DNAH2: variants seen among roughly 807,000 people sequenced by gnomAD.
The protein encoded by DNAH2 is axonemal beta dynein heavy chain 2.
Under a neutral mutation model 523.5 loss-of-function variants are expected in DNAH2, and 323 were observed. That is an observed-to-expected ratio of 0.62 (90% CI 0.56 to 0.68). The LOEUF is 0.68. Among genes scored for constraint, DNAH2 ranks in the 30% least tolerant of loss-of-function variants. The probability of loss-of-function intolerance (pLI) is 0.00; values close to 1 mark genes in which losing one functional copy is unlikely to be tolerated. For synonymous variants in DNAH2, 2,093 were observed against 2,177.4 expected (o/e 0.96, Z 1.08); for missense variants, 4,907 against 5,701.5 (o/e 0.86, Z 4.49).
intron 63 of DNAH2, among the ~76,000 whole-genome samples, chr17:7,815,625 C>A (rs1224109618): frequency 1.4e-5 from 2 of 143,436 alleles, no homozygotes; most frequent in Admixed American, 6.9e-5. Context: ...ATCACACACA[C>A]ATATACGGGA....
chr17:7,795,928 CG>C (rs1450337767), intron 49 of DNAH2, among the ~76,000 whole-genome samples: 1 of 143,888 alleles, frequency 6.9e-6, no homozygotes, highest in Non-Finnish European at 1.5e-5. Context: ...ACCCGGGAGG[CG>C]GAAGTTGCAG....
At position 7,749,313 on chromosome 17, in the gene DNAH2, A is replaced by ATC. The variant is rs1567636736; in HGVS notation, c.1904+6171_1904+6172insTC. Among the ~76,000 whole-genome samples, 436 of 79,074 alleles carry ATC rather than the reference A, an allele frequency of 5.5e-3. 24 individuals carry two copies. Among genetic ancestry groups the ATC allele is most frequent in the African/African-American group, 8.2e-3 (50 of 6,128 alleles). The allele number at this position is 79,074 out of a possible 152,430, so 51.9% of individuals were successfully genotyped here. On this transcript the variant is annotated intron_variant, in intron 12 of 85. Coordinates refer to ENST00000572933, the MANE Select transcript of DNAH2 (RefSeq NM_020877.5). The stretch of plus-strand genomic sequence containing the variant: ...ACAAGAGCTAAACTCCCCCCCAAAA[A>ATC]AAAAAAAAAAAAAAAAAAAAAAAAA...
At position 7,793,156 on chromosome 17, in the gene DNAH2, A is replaced by T. The variant is rs760306826; in HGVS notation, c.7520A>T (p.Asp2507Val). 3 of 1,614,178 alleles carry T rather than the reference A, an allele frequency of 1.9e-6. No homozygotes were observed. The stretch of plus-strand genomic sequence containing the variant: ...CTGGAGCTGATCCGCCTCTGGATTG[A>T]CTATGGCTTCTGGTATGACCGTACG... ...PPLELIRLWI[D>V]YGFWYDRTKQ... is the part of the protein sequence containing the mutation. The change falls in exon 48 of 86, where the codon GAC (aspartate) becomes GTC (valine). Residue 2507 changes from aspartate to valine, a missense_variant. Physicochemically the swap from Asp to Val is radical, Grantham distance 152. Around this residue, in one of 3 missense-constraint regions of DNAH2, gnomAD observed 250 missense variants for 371.3 expected, o/e 0.67. Coordinates refer to ENST00000572933, the MANE Select transcript of DNAH2 (RefSeq NM_020877.5).
Position 7,792,686 on chromosome 17 carries a change from C to A in DNAH2, c.7175C>A (p.Thr2392Asn). 6.2e-7 allele frequency: 1 copy of A among 1,614,150 alleles called. No homozygotes were observed. The highest frequency in any genetic ancestry group is 8.5e-7 in the Non-Finnish European group (1 of 1,180,016). ...NAPFYKIMVPTVDTVRYNYLV... is the reference protein window; with the variant it reads ...NAPFYKIMVPNVDTVRYNYLV... ...CCCTTCTATAAGATCATGGTGCCCACCGTCGACACTGTTCGCTACAACTAC... is the reference window on the plus strand; with the variant it reads ...CCCTTCTATAAGATCATGGTGCCCAACGTCGACACTGTTCGCTACAACTAC... Residue 2392 changes from threonine (T) to asparagine (N), a missense_variant, in exon 47 of 86, where the codon ACC becomes AAC. Coordinates refer to ENST00000572933, the MANE Select transcript of DNAH2 (RefSeq NM_020877.5).
chr17:7,749,308 C>CAAA (rs57660603), intron 12 of DNAH2, among the ~76,000 whole-genome samples: 584 of 17,746 alleles, frequency 0.033, 234 homozygotes, highest in Middle Eastern at 0.1. Flanking sequence ...AACTCCCCCC[C>CAAA]AAAAAAAAAA....
At position 7,831,168 on chromosome 17, in the gene DNAH2, A is replaced by G; in HGVS notation, c.12313A>G (p.Met4105Val). The change falls in exon 80 of 86, where the codon ATG becomes GTG. Residue 4105 changes from methionine to valine, a missense_variant. Around this residue, in one of 3 missense-constraint regions of DNAH2, gnomAD observed 1,851 missense variants for 2,139.4 expected, o/e 0.87. Transcript: ENST00000572933. The surrounding 1 kb of genome is among the most constrained non-coding windows in gnomAD (Gnocchi z 4.2). ...YKEYISLLPG[M>V]DPPEAFGQHP... Reference sequence around the variant, plus strand: ...GGAATACATCAGCTTATTGCCTGGCATGGACCCCCCTGAGGCCTTTGGCCA... The same window carrying G: ...GGAATACATCAGCTTATTGCCTGGCGTGGACCCCCCTGAGGCCTTTGGCCA... The G allele has an allele frequency of 6.2e-7, 1 of 1,614,146 alleles. No homozygotes were observed. Among genetic ancestry groups the G allele is most frequent in the Non-Finnish European group, 8.5e-7 (1 of 1,180,034 alleles).
In DNAH2 at chr17:7,819,010, G is replaced by A. The variant is rs1164357138; in HGVS notation, c.10762G>A (p.Glu3588Lys). Reference protein sequence around the residue: ...TSKITATEVTEQLETSETTEI... With the variant: ...TSKITATEVTKQLETSETTEI... ...CAAGATCACAGCCACAGAGGTGACT[G>A]AGCAGCTGGAGACCAGTGAGACCAC... Residue 3588 changes from glutamate (E) to lysine (K), a missense_variant, in exon 71 of 86, where the codon GAG becomes AAG. By Grantham distance (56) the Glu-to-Lys change is moderately conservative (BLOSUM62 1). This residue lies in a region of DNAH2 where 1,851 missense variants were observed against 2,139.4 expected (regional missense o/e 0.87). Coordinates refer to ENST00000572933, the MANE Select transcript of DNAH2 (RefSeq NM_020877.5). 1 of 1,610,116 alleles carries A rather than the reference G, an allele frequency of 6.2e-7. No individual in the cohort carries two copies. The highest frequency in any genetic ancestry group is 1.3e-5 in the African/African-American group (1 of 74,890).
In DNAH2 at chr17:7,765,505, C is replaced by T; in HGVS notation, c.3451C>T (p.His1151Tyr). 1 of 1,614,218 alleles carries T rather than the reference C, an allele frequency of 6.2e-7. No homozygotes were observed. Among genetic ancestry groups the T allele is most frequent in the Admixed American group, 1.7e-5 (1 of 60,032 alleles). The change falls in exon 21 of 86, where the codon CAC becomes TAC. Residue 1151 changes from histidine (H) to tyrosine (Y), a missense_variant. Around this residue, in one of 3 missense-constraint regions of DNAH2, gnomAD observed 2,806 missense variants for 3,190.8 expected, o/e 0.88. Coordinates refer to ENST00000572933, the MANE Select transcript of DNAH2 (RefSeq NM_020877.5). Reference protein sequence around the residue: ...HKEKFKTGLIHSADDFKKKAH... With the variant: ...HKEKFKTGLIYSADDFKKKAH... ...GGAGAAATTCAAGACAGGCCTGATC[C>T]ACTCGGCAGATGACTTCAAGAAGAA...
At chr17:7,759,691 T>A in intron 16 of DNAH2, 81 bp downstream of exon 16, 1 of 1,599,876 alleles carries the variant, frequency 6.3e-7, no homozygotes. Context: ...ACTTGGTCCT[T>A]GGCCTTGACT....
chr17:7,756,264 A>G (rs2075833405), intron 12 of DNAH2, among the ~76,000 whole-genome samples: 1 of 151,358 alleles, frequency 6.6e-6, no homozygotes, highest in Non-Finnish European at 1.5e-5. Context: ...AAAAGAAACA[A>G]GTGAATTAAC....
Position 7,760,778 on chromosome 17 carries a change from A to C in DNAH2, c.2824A>C (p.Ser942Arg). The C allele has an allele frequency of 1.2e-6, 2 of 1,614,188 alleles. No individual in the cohort carries two copies. The highest frequency in any genetic ancestry group is 1.7e-6 in the Non-Finnish European group (2 of 1,180,022). ...EDIKKIQTQI[S>R]SGMTNNASLL... ...CATCAAGAAGATCCAGACCCAAATC[A>C]GCAGCGGCATGACTAACAACGCAAG... is the stretch of plus-strand genomic sequence containing the variant. The change falls in exon 18 of 86, where the codon AGC (serine) becomes CGC (arginine). Residue 942 changes from serine (S) to arginine (R), a missense_variant. Transcript: ENST00000572933. The surrounding 1 kb of genome is among the most constrained non-coding windows in gnomAD (Gnocchi z 4.0).
At position 7,776,840 on chromosome 17, in the gene DNAH2, C is replaced by A. The variant is rs148519743; in HGVS notation, c.5009C>A (p.Ala1670Glu). Residue 1670 changes from alanine (A) to glutamate (E), a missense_variant, in exon 32 of 86, where the codon GCG (alanine) becomes GAG (glutamate). By Grantham distance (107) the Ala-to-Glu change is moderately radical (BLOSUM62 -1). Transcript: ENST00000572933. Reference sequence around the variant, plus strand: ...GATGTCACCAAGTGCCTGCTGACAGCGAAGGAGCGGGCAGACAAGAAAATC... The same window carrying A: ...GATGTCACCAAGTGCCTGCTGACAGAGAAGGAGCGGGCAGACAAGAAAATC... ...TADVTKCLLT[A>E]KERADKKILK... 1.9e-6 allele frequency: 3 copies of A among 1,612,764 alleles called. No individual in the cohort carries two copies. Among genetic ancestry groups the A allele is most frequent in the South Asian group, 1.1e-5 (1 of 91,050 alleles).
chr17:7,764,290 T>C lies in DNAH2; in HGVS notation c.3336+17T>C. ...GAGGACAGTGTGAGTTCCTTTGGTG[T>C]TTGGTTTACCTGGGACCCGTATCAG... On this transcript the variant is annotated intron_variant, in intron 20 of 85. Transcript: ENST00000572933. 6.3e-7 allele frequency: 1 copy of C among 1,583,178 alleles called. No individual in the cohort carries two copies. The highest frequency in any genetic ancestry group is 8.6e-7 in the Non-Finnish European group (1 of 1,163,548).
intron 11 of DNAH2, among the ~76,000 whole-genome samples, chr17:7,742,679 A>T (rs553474444): frequency 1.3e-5 from 2 of 152,244 alleles, no homozygotes; most frequent in East Asian, 3.9e-4. Flanking sequence ...TTTTTCCTAA[A>T]CAAATTCTCT....
chr17:7,833,523 T>C lies in DNAH2; in HGVS notation c.13274T>C (p.Leu4425Pro). ...IKRGTALLMS[L>P]DS ...AGGGGCACTGCTCTACTCATGAGCC[T>C]GGACAGCTGAGACCTCCTCCTCTTC... Residue 4425 changes from leucine to proline, a missense_variant, in exon 86 of 86, where the codon CTG becomes CCG. Physicochemically the swap from Leu to Pro is moderately conservative, Grantham distance 98 (BLOSUM62 -3). This residue lies in a region of DNAH2 where 1,851 missense variants were observed against 2,139.4 expected (regional missense o/e 0.87). Coordinates refer to ENST00000572933, the MANE Select transcript of DNAH2 (RefSeq NM_020877.5). 6.2e-7 allele frequency: 1 copy of C among 1,613,846 alleles called. No homozygotes were observed. Among genetic ancestry groups the C allele is most frequent in the South Asian group, 1.1e-5 (1 of 91,084 alleles).
intron 77 of DNAH2, among the ~76,000 whole-genome samples, chr17:7,825,150 C>T (rs1266824128): frequency 6.6e-6 from 1 of 152,162 alleles, no homozygotes; most frequent in East Asian, 1.9e-4. Flanking sequence ...CTTACATCCT[C>T]TTCCGAATGT....
At chr17:7,793,502 T>TCTTC (rs1567709515) in intron 48 of DNAH2, among the ~76,000 whole-genome samples, 6 of 137,784 alleles carry the variant, frequency 4.4e-5, no homozygotes, top group South Asian at 4.4e-4. Context: ...TTTCTTTCTT[T>TCTTC]CTTTCTTTCT....
In DNAH2 at chr17:7,762,893, T is replaced by TAA. The variant is rs34113567; in HGVS notation, c.2979-923_2979-922dup. Among the ~76,000 whole-genome samples the TAA allele has an allele frequency of 7.5e-3, 954 of 126,998 alleles. 10 individuals carry two copies. Among genetic ancestry groups the TAA allele is most frequent in the African/African-American group, 0.026 (901 of 35,102 alleles). 83.3% of individuals were successfully genotyped at this position (126,998 alleles called of 152,430 possible). A position where few individuals can be genotyped will look rare whatever the true frequency, so the allele number is the denominator to read the frequency against. ...ATGAGGAAACCGAGACTCAAACAGT[T>TAA]AAAAAAAAAAAAAAAACCTGCCTGA... On this transcript the variant is annotated intron_variant, in intron 18 of 85. Transcript: ENST00000572933.
rs2074483355 is a variant in DNAH2, at chr17:7,718,285, T to C, written c.-529T>C. The C allele has an allele frequency of 6.6e-6, 1 of 152,174 alleles. No individual in the cohort carries two copies. The highest frequency in any genetic ancestry group is 6.5e-5 in the Admixed American group (1 of 15,270). The allele number at this position is 152,174 out of a possible 1,614,324, so 9.4% of individuals were successfully genotyped here. A position where few individuals can be genotyped will look rare whatever the true frequency, so the allele number is the denominator to read the frequency against. On this transcript the variant is annotated 5_prime_UTR_variant, in exon 1 of 86. It removes an upstream start codon present in the reference 5' UTR. Coordinates refer to ENST00000572933, the MANE Select transcript of DNAH2 (RefSeq NM_020877.5). ...AGCTTGATGCTTCTCTGGAGACTGA[T>C]GGAGGAAGCCTCCTTGCTGTAGTTG...
Sources: gnomAD v4.1 joint callset for allele counts (sites outside exome capture counted in the v4.1 genomes callset) on GRCh38, gnomAD v4.1.1 for gene constraint, gnomAD v4.1.1 regional missense constraint, Gnocchi (gnomAD v3.1) non-coding constraint, MANE v1.5 for transcripts, NCBI Gene and HGNC (gene_info 2026-07-23, HGNC 2026-07-21) for gene names.